CDH13: variants seen among roughly 807,000 people sequenced by gnomAD.
The protein encoded by CDH13 is cadherin-13.
A neutral mutation model predicts 63.8 loss-of-function variants in CDH13; 24 were observed. That is an observed-to-expected ratio of 0.38 (90% CI 0.27 to 0.53). The LOEUF (loss-of-function observed/expected upper bound fraction) is 0.53, where lower values mean the gene tolerates loss of function less well. Ranked by LOEUF, CDH13 falls within the 20% of genes least tolerant of loss-of-function variation. CDH13 has a pLI of 0.85. For missense variants in CDH13, 1,049 were observed against 903.1 expected (o/e 1.16, Z -2.07); for synonymous variants, 503 against 355.3 (o/e 1.42, Z -4.67).
chr16:82,666,642 AC>A (rs1452016606), intron 1 of CDH13, among the ~76,000 whole-genome samples: 1 of 152,226 alleles, frequency 6.6e-6, no homozygotes, highest in Non-Finnish European at 1.5e-5. Flanking sequence ...TCGTAGGTTA[AC>A]CATACAACAA....
intron 5 of CDH13, among the ~76,000 whole-genome samples, chr16:83,312,474 C>T (rs2090022051): frequency 6.6e-6 from 1 of 152,160 alleles, no homozygotes; most frequent in Non-Finnish European, 1.5e-5. Context: ...AAGTCCTCTC[C>T]AACCACCTTC....
intron 5 of CDH13, among the ~76,000 whole-genome samples, chr16:83,277,001 A>C (rs965882168): frequency 6.6e-6 from 1 of 152,204 alleles, no homozygotes; most frequent in Non-Finnish European, 1.5e-5. Flanking sequence ...CAACATGGGA[A>C]AGACCTGCCC....
intron 1 of CDH13, chr16:82,639,433 G>T (rs1162304860): frequency 4.6e-6 from 7 of 1,535,406 alleles, no homozygotes; most frequent in Non-Finnish European, 4.4e-6. Flanking sequence ...ACAGATGCCT[G>T]GGCGTGACCC....
chr16:83,391,089 G>A (rs2091776641), intron 6 of CDH13, among the ~76,000 whole-genome samples: 2 of 152,184 alleles, frequency 1.3e-5, no homozygotes. Flanking sequence ...AGTGACCTCT[G>A]CTGCCTCTAA....
intron 1 of CDH13, among the ~76,000 whole-genome samples, chr16:82,744,417 G>C (rs2034068116): frequency 6.6e-6 from 1 of 152,128 alleles, no homozygotes; most frequent in Non-Finnish European, 1.5e-5. Context: ...TTGAGTTTGG[G>C]ATTGTTCCTC....
At chr16:83,661,661 A>T (rs753778126) in intron 8 of CDH13, among the ~76,000 whole-genome samples, 2 of 152,172 alleles carry the variant, frequency 1.3e-5, no homozygotes, top group Non-Finnish European at 2.9e-5. Context: ...TTAGTTTTGC[A>T]TATGTGCAGT....
intron 6 of CDH13, among the ~76,000 whole-genome samples, chr16:83,475,121 A>G (rs2073567880): frequency 2.6e-5 from 4 of 152,234 alleles, no homozygotes; most frequent in Admixed American, 2.0e-4. Flanking sequence ...CCCTTGTTCA[A>G]CAACAATTAA....
chr16:82,771,285 G>C (rs1217625513), intron 1 of CDH13, among the ~76,000 whole-genome samples: 3 of 152,120 alleles, frequency 2.0e-5, no homozygotes, highest in South Asian at 2.1e-4. Flanking sequence ...ATTAAAATGT[G>C]TTATATGTCA....
chr16:83,249,068 T>G (rs191661642), intron 5 of CDH13, among the ~76,000 whole-genome samples: 8 of 152,328 alleles, frequency 5.3e-5, no homozygotes, highest in Admixed American at 1.3e-4. Flanking sequence ...AGAAATAACT[T>G]TGAGTAGAGC....
intron 3 of CDH13, among the ~76,000 whole-genome samples, chr16:83,051,701 T>C (rs1475567833): frequency 6.6e-6 from 1 of 152,248 alleles, no homozygotes; most frequent in East Asian, 1.9e-4. Flanking sequence ...CCTCTGCTTA[T>C]GGACCACAGC....
chr16:82,920,077 G>T (rs1184313213), intron 2 of CDH13, among the ~76,000 whole-genome samples: 1 of 152,184 alleles, frequency 6.6e-6, no homozygotes, highest in Non-Finnish European at 1.5e-5. Context: ...AATCAAAGTG[G>T]CTGAAGCAAA....
intron 6 of CDH13, among the ~76,000 whole-genome samples, chr16:83,404,981 A>G (rs189488394): frequency 4.6e-5 from 7 of 152,316 alleles, no homozygotes; most frequent in Admixed American, 2.6e-4. Context: ...AAAGTAGCCC[A>G]TTATCTCAGG....
intron 7 of CDH13, among the ~76,000 whole-genome samples, chr16:83,495,763 T>C (rs2074125174): frequency 6.6e-6 from 1 of 152,188 alleles, no homozygotes; most frequent in African/African-American, 2.4e-5. Flanking sequence ...CTTTTTGGCT[T>C]GTAGAGCATG....
At chr16:83,771,385 A>G (rs778118764) in intron 11 of CDH13, among the ~76,000 whole-genome samples, 2 of 152,192 alleles carry the variant, frequency 1.3e-5, no homozygotes, top group Non-Finnish European at 2.9e-5. Flanking sequence ...GAAATCCAGC[A>G]GTGGAATCCA....
chr16:83,612,339 G>A (rs1206417809), intron 8 of CDH13, among the ~76,000 whole-genome samples: 1 of 151,364 alleles, frequency 6.6e-6, no homozygotes, highest in Non-Finnish European at 1.5e-5. Flanking sequence ...CTTTCTTTTG[G>A]TCAGTGTCAT....
intron 8 of CDH13, among the ~76,000 whole-genome samples, chr16:83,615,820 C>T (rs1372026018): frequency 6.6e-6 from 1 of 152,212 alleles, no homozygotes; most frequent in East Asian, 1.9e-4. Context: ...CTGCAAATTG[C>T]ATTCCCAACT....
intron 3 of CDH13, among the ~76,000 whole-genome samples, chr16:83,075,347 C>T (rs1411468579): frequency 6.6e-6 from 1 of 152,160 alleles, no homozygotes; most frequent in Non-Finnish European, 1.5e-5. Flanking sequence ...AATGGCATGA[C>T]CAAGGTTTAC....
chr16:83,099,424 A>T (rs1171101824), intron 3 of CDH13, among the ~76,000 whole-genome samples: 4 of 151,740 alleles, frequency 2.6e-5, no homozygotes. Flanking sequence ...CCTGGGTTCA[A>T]GTGATTCTCC....
chr16:82,650,022 A>C (rs555091110), intron 1 of CDH13, among the ~76,000 whole-genome samples: 4 of 152,310 alleles, frequency 2.6e-5, no homozygotes, highest in African/African-American at 9.6e-5. Context: ...CTGGGCAACA[A>C]CCCAAAGCTA....
Sources: allele counts gnomAD v4.1 joint callset (sites outside exome capture counted in the v4.1 genomes callset), GRCh38; gene constraint gnomAD v4.1.1; transcripts MANE v1.5; gene names NCBI Gene and HGNC (gene_info 2026-07-23, HGNC 2026-07-21).